Variants in CAPZA2 observed in about 807,000 individuals in gnomAD.
CAPZA2 encodes F-actin-capping protein subunit alpha-2.
Under a neutral mutation model 44.0 loss-of-function variants are expected in CAPZA2, and 13 were observed. The observed-to-expected ratio is 0.30, with a 90% confidence interval of 0.19 to 0.47. The LOEUF (loss-of-function observed/expected upper bound fraction) is 0.47. CAPZA2 is among the 20% of genes least tolerant of loss of function. The pLI is 1.00. For missense variants in CAPZA2, 244 were observed against 338.6 expected (o/e 0.72, Z 2.19); for synonymous variants, 94 against 108.2 (o/e 0.87, Z 0.81).
Position 116,921,313 on chromosome 7 carries a change from C to G in CAPZA2, c.*3446C>G, listed in dbSNP as rs1299945208. 1 of 144,344 alleles carries G rather than the reference C, an allele frequency of 6.9e-6. No individual in the cohort carries two copies. Among genetic ancestry groups the G allele is most frequent in the African/African-American group, 2.6e-5 (1 of 38,174 alleles). 8.9% of individuals were successfully genotyped at this position (144,344 alleles called of 1,614,324 possible). ...AGGAGAATCGCTTGAACCCAGGATG[C>G]GAAGGTTGCAGTGAGCCGAGATTGT... On this transcript the variant is annotated 3_prime_UTR_variant, in exon 10 of 10. Coordinates refer to ENST00000361183, the MANE Select transcript of CAPZA2 (RefSeq NM_006136.3).
intron 4 of CAPZA2, among the ~76,000 whole-genome samples, chr7:116,900,605 A>T (rs1796982786): frequency 6.6e-6 from 1 of 152,090 alleles, no homozygotes; most frequent in South Asian, 2.1e-4. Context: ...TTCATCAAAA[A>T]AAGGCATACG....
intron 1 of CAPZA2, among the ~76,000 whole-genome samples, chr7:116,871,497 T>C (rs1368923936): frequency 6.6e-6 from 1 of 152,232 alleles, no homozygotes; most frequent in Non-Finnish European, 1.5e-5. Flanking sequence ...TAAGGCTGTT[T>C]AAGTGGTGGA....
At chr7:116,911,392 A>G (rs567098919) in intron 7 of CAPZA2, among the ~76,000 whole-genome samples, 1 of 152,328 alleles carries the variant, frequency 6.6e-6, no homozygotes, top group African/African-American at 2.4e-5. Context: ...TCTGCCAGAT[A>G]GTCCAGACAT....
intron 1 of CAPZA2, among the ~76,000 whole-genome samples, chr7:116,867,646 C>T (rs1175834513): frequency 1.3e-5 from 2 of 149,468 alleles, no homozygotes; most frequent in African/African-American, 2.5e-5. Context: ...TGCAGTGGCA[C>T]GATCTCGGCT....
chr7:116,888,570 G>A (rs11981133), intron 2 of CAPZA2: 8,345 of 157,130 alleles, frequency 0.053, 785 homozygotes, highest in African/African-American at 0.19. Context: ...GCCAGGTGCA[G>A]TGGCTCACTC....
rs1473387812 is a variant in CAPZA2 at position 116,904,383 on chromosome 7, T to G, written c.426T>G (p.Thr142=). ...VKEHYPNGVC[T]VYGKKIDGQQ... is the part of the protein sequence containing the mutation. ...AACATTACCCGAATGGAGTCTGCAC[T>G]GTAAGTCATCAGTAGCAGCTTTGTG... The change falls in exon 5 of 10, where the codon ACT becomes ACG. Residue 142 remains threonine (T), a splice_region_variant and synonymous_variant. Coordinates refer to ENST00000361183, the MANE Select transcript of CAPZA2 (RefSeq NM_006136.3). The G allele has an allele frequency of 5.0e-6, 8 of 1,597,088 alleles. No individual in the cohort carries two copies. Among genetic ancestry groups the G allele is most frequent in the Non-Finnish European group, 6.9e-6 (8 of 1,164,568 alleles).
chr7:116,893,053 T>G lies in CAPZA2; in HGVS notation c.155+8T>G, dbSNP rs190971994. ...CAGGGAAGGAGCAGCCCAGTAAGTA[T>G]TATTTATCATACTAACCTAACTAAA... On this transcript the variant is annotated splice_region_variant and intron_variant, in intron 3 of 9. Transcript: ENST00000361183. 34 of 1,567,758 alleles carry G rather than the reference T, an allele frequency of 2.2e-5. No individual in the cohort carries two copies. The East Asian group carries it at 7.0e-4, about 32-fold the overall frequency.
chr7:116,917,639 A>G (rs1377991615), intron 9 of CAPZA2, 88 bp from the exon 10 acceptor site: 19 of 955,006 alleles, frequency 2.0e-5, no homozygotes, highest in Non-Finnish European at 3.0e-5. Flanking sequence ...GGCTGCTTAA[A>G]TAAAACTTAT....
At chr7:116,871,321 G>C (rs1171674486) in intron 1 of CAPZA2, among the ~76,000 whole-genome samples, 2 of 152,214 alleles carry the variant, frequency 1.3e-5, no homozygotes. Flanking sequence ...CAGTGTTGCA[G>C]AGATTAAGGA....
intron 1 of CAPZA2, among the ~76,000 whole-genome samples, chr7:116,883,952 T>A (rs967769846): frequency 3.3e-5 from 5 of 152,244 alleles, no homozygotes; most frequent in African/African-American, 1.2e-4. Context: ...CTCAAAATTC[T>A]AAAAGTGTTC....
chr7:116,912,028 G>T (rs1791603885), intron 7 of CAPZA2, 41 bp from the exon 8 acceptor site: 5 of 1,607,680 alleles, frequency 3.1e-6, no homozygotes, highest in Non-Finnish European at 4.3e-6. Context: ...GGTTCTTGAT[G>T]ATTCCTGTAA....
At chr7:116,909,616 C>CT (rs1236100471) in intron 6 of CAPZA2, 9 of 151,640 alleles carry the variant, frequency 5.9e-5, no homozygotes, top group African/African-American at 1.9e-4. Context: ...AAGTATAGTC[C>CT]TTTATTTCCA....
intron 1 of CAPZA2, among the ~76,000 whole-genome samples, chr7:116,882,398 CAT>C (rs764132551): frequency 1.3e-5 from 2 of 152,066 alleles, no homozygotes; most frequent in Non-Finnish European, 2.9e-5. Flanking sequence ...AGTATGGACT[CAT>C]AGATTCTTGT....
At chr7:116,879,029 G>A (rs1173368494) in intron 1 of CAPZA2, among the ~76,000 whole-genome samples, 2 of 149,920 alleles carry the variant, frequency 1.3e-5, no homozygotes, top group African/African-American at 4.9e-5. Context: ...AGGAGGCTGA[G>A]GCAGGAGAAT....
chr7:116,891,585 C>T (rs924614168), intron 2 of CAPZA2, among the ~76,000 whole-genome samples: 5 of 152,250 alleles, frequency 3.3e-5, no homozygotes, highest in Non-Finnish European at 7.4e-5. Context: ...GATCTCGGCT[C>T]ACTGCAAGCT....
intron 2 of CAPZA2, among the ~76,000 whole-genome samples, chr7:116,891,509 TTTTG>T (rs970372664): frequency 5.9e-5 from 9 of 152,160 alleles, no homozygotes; most frequent in South Asian, 2.1e-4. Context: ...GGATATTGTT[TTTTG>T]TTTGTTTGTT....
rs936340816 is a variant in CAPZA2, at chr7:116,920,460, G to A, written c.*2593G>A. 1 of 152,326 alleles carries A rather than the reference G, an allele frequency of 6.6e-6. No homozygotes were observed. Among genetic ancestry groups the A allele is most frequent in the Non-Finnish European group, 1.5e-5 (1 of 68,150 alleles). The allele number at this position is 152,326 out of a possible 1,614,324, so 9.4% of individuals were successfully genotyped here. On this transcript the variant is annotated 3_prime_UTR_variant, in exon 10 of 10. Transcript: ENST00000361183. ...AGAGAGCATGCTGGCTTGGACTGAG[G>A]TGGTTGCTGTAGAGGTGGTATAAAG...
rs144500777 is a variant in CAPZA2, at chr7:116,904,239, C to G, written c.282C>G (p.Ile94Met). 2.4e-4 allele frequency: 391 copies of G among 1,613,666 alleles called. No individual in the cohort carries two copies. Among genetic ancestry groups the G allele is most frequent in the Non-Finnish European group, 3.1e-4 (363 of 1,179,820 alleles). The change falls in exon 5 of 10, where the codon ATC (isoleucine) becomes ATG (methionine). Residue 94 changes from isoleucine (I) to methionine (M), a missense_variant. Physicochemically the swap from Ile to Met is conservative, Grantham distance 10. Transcript: ENST00000361183. ...AGTTTTTGGATCCAAAGAACAGAAT[C>G]TGTTTTAAATTTGATCACTTAAGGA... is the stretch of plus-strand genomic sequence containing the variant. The part of the protein sequence containing the change: ...NGKFLDPKNR[I>M]CFKFDHLRKE...
In CAPZA2 at chr7:116,881,550, T is replaced by C. The variant is rs186909145; in HGVS notation, c.40-6577T>C. ...GTCAGGAGATCAAGACCATCCTGGC[T>C]AACACGGTGAAACCCCGTCTCTACT... On this transcript the variant is annotated intron_variant, in intron 1 of 9. Transcript: ENST00000361183. 8.2e-3 allele frequency among the ~76,000 whole-genome samples: 1,243 copies of C among 151,926 alleles called. 8 individuals carry two copies. The highest frequency in any genetic ancestry group is 0.014 in the Middle Eastern group (4 of 294).
Sources: allele counts gnomAD v4.1 joint callset (sites outside exome capture counted in the v4.1 genomes callset), GRCh38; gene constraint gnomAD v4.1.1; transcripts MANE v1.5; gene names NCBI Gene and HGNC (gene_info 2026-07-23, HGNC 2026-07-21).